Variants in ZC3H12B observed in about 807,000 individuals in gnomAD.
ZC3H12B encodes the protein zinc finger CCCH-type containing 12B, also known as probable ribonuclease ZC3H12B.
ZC3H12B carries 7 observed loss-of-function variants against 43.9 expected under a neutral mutation model. That is an observed-to-expected ratio of 0.16 (90% CI 0.09 to 0.30). ZC3H12B has a LOEUF of 0.30. Ranked by LOEUF, ZC3H12B falls within the 10% of genes least tolerant of loss-of-function variation. The pLI, the probability that ZC3H12B is intolerant of heterozygous loss-of-function variation, is 1.00. For missense variants in ZC3H12B, 475 were observed against 670.2 expected (o/e 0.71, Z 3.22); for synonymous variants, 222 against 241.7 (o/e 0.92, Z 0.76).
intron 3 of ZC3H12B, among the ~76,000 whole-genome samples, chrX:65,425,578 T>C (rs1050120661): frequency 4.5e-5 from 5 of 111,641 alleles, no homozygotes; most frequent in Admixed American, 9.6e-5. Context: ...GCCCATTCCG[T>C]ATGATATTGG....
At chrX:65,283,478 A>G in the ZC3H12B span, among the ~76,000 whole-genome samples, 1 of 111,527 alleles carries the variant, frequency 9.0e-6, no homozygotes, top group Non-Finnish European at 1.9e-5. Context: ...GGCCAGGGCA[A>G]TCAGGCAAGA....
chrX:65,389,337 A>C (rs1043295896), intron 2 of ZC3H12B, among the ~76,000 whole-genome samples: 13 of 112,033 alleles, frequency 1.2e-4, no homozygotes, highest in Non-Finnish European at 2.1e-4. Flanking sequence ...CGGCAATGGC[A>C]GGCACCCGTC....
the ZC3H12B span, among the ~76,000 whole-genome samples, chrX:65,056,987 T>C: frequency 2.7e-5 from 3 of 112,020 alleles, no homozygotes; most frequent in Non-Finnish European, 5.6e-5. Context: ...TGTCTCTGCA[T>C]GTGAGATGGG....
the ZC3H12B span, among the ~76,000 whole-genome samples, chrX:65,211,692 A>T: frequency 1.1e-5 from 1 of 89,945 alleles, no homozygotes; most frequent in Non-Finnish European, 2.1e-5. Flanking sequence ...TATATATAAT[A>T]TTATATAATA....
chrX:65,436,011 G>T (rs1000532344), intron 3 of ZC3H12B, among the ~76,000 whole-genome samples: 13 of 112,078 alleles, frequency 1.2e-4, no homozygotes, highest in African/African-American at 3.9e-4. Flanking sequence ...AAAGAAACAG[G>T]TTAAATTGAC....
chrX:65,455,504 G>A (rs1315802495), intron 3 of ZC3H12B, among the ~76,000 whole-genome samples: 1 of 112,186 alleles, frequency 8.9e-6, no homozygotes, highest in African/African-American at 3.2e-5. Flanking sequence ...TGTCTGATTG[G>A]TGTATTTGAA....
At chrX:65,355,454 C>A in the ZC3H12B span, among the ~76,000 whole-genome samples, 1 of 111,060 alleles carries the variant, frequency 9.0e-6, no homozygotes, top group Non-Finnish European at 1.9e-5. Context: ...GCATTGAGTT[C>A]AAAGCAGTAT....
intron 1 of ZC3H12B, among the ~76,000 whole-genome samples, chrX:65,494,477 T>C (rs2068249299): frequency 9.0e-6 from 1 of 110,637 alleles, no homozygotes; most frequent in African/African-American, 3.3e-5. Flanking sequence ...AAACACAGAA[T>C]TTGGCAGTAT....
At chrX:65,202,182 ATATATAT>A in the ZC3H12B span, among the ~76,000 whole-genome samples, 2 of 91,059 alleles carry the variant, frequency 2.2e-5, no homozygotes, top group Non-Finnish European at 4.1e-5. Flanking sequence ...ATTATATGTA[ATATATAT>A]TATATATAAT....
chrX:65,091,084 T>G, the ZC3H12B span, among the ~76,000 whole-genome samples: 1 of 111,742 alleles, frequency 8.9e-6, no homozygotes, highest in African/African-American at 3.3e-5. Flanking sequence ...ACCTATTTTC[T>G]TTATAAATTA....
chrX:65,094,654 C>T, the ZC3H12B span, among the ~76,000 whole-genome samples: 1 of 112,680 alleles, frequency 8.9e-6, no homozygotes, highest in African/African-American at 3.2e-5. Context: ...CTAGCAGTTA[C>T]TGTATTCTTC....
the ZC3H12B span, among the ~76,000 whole-genome samples, chrX:65,318,223 A>C: frequency 9.3e-6 from 1 of 107,285 alleles, no homozygotes; most frequent in Admixed American, 1.0e-4. Context: ...CCATTCTTGC[A>C]GGAGTAATGT....
the ZC3H12B span, among the ~76,000 whole-genome samples, chrX:65,111,467 C>G: frequency 9.0e-6 from 1 of 110,832 alleles, no homozygotes; most frequent in Non-Finnish European, 1.9e-5. Context: ...TTTTTCTGCA[C>G]TGAAGGATAT....
the ZC3H12B span, among the ~76,000 whole-genome samples, chrX:65,129,745 G>A: frequency 2.4e-4 from 27 of 110,365 alleles, no homozygotes; most frequent in Non-Finnish European, 4.9e-4. Context: ...TGAAGTGTTG[G>A]GGCAGCAAAA....
At chrX:65,450,230 G>T (rs2067454294) in intron 3 of ZC3H12B, among the ~76,000 whole-genome samples, 1 of 100,810 alleles carries the variant, frequency 9.9e-6, no homozygotes, top group African/African-American at 3.7e-5. Flanking sequence ...ACTTGAACCG[G>T]GAGTTGGAGG....
chrX:65,252,250 G>A, the ZC3H12B span, among the ~76,000 whole-genome samples: 3 of 111,209 alleles, frequency 2.7e-5, no homozygotes, highest in Non-Finnish European at 5.7e-5. Context: ...ATTGATTTGT[G>A]TATGTTGAAC....
At chrX:65,331,505 G>A in the ZC3H12B span, among the ~76,000 whole-genome samples, 2 of 110,410 alleles carry the variant, frequency 1.8e-5, no homozygotes, top group African/African-American at 6.6e-5. Flanking sequence ...TGGAAAGATA[G>A]TAGTCTAAGG....
At chrX:65,119,327 T>C in the ZC3H12B span, among the ~76,000 whole-genome samples, 10 of 111,751 alleles carry the variant, frequency 8.9e-5, no homozygotes, top group Non-Finnish European at 1.9e-4. Context: ...TCCTGACTTT[T>C]TAATGATCAC....
chrX:65,187,549 G>A, the ZC3H12B span, among the ~76,000 whole-genome samples: 3 of 110,913 alleles, frequency 2.7e-5, no homozygotes, highest in Non-Finnish European at 5.7e-5. Flanking sequence ...AAAGTGATTT[G>A]GACAGTATTT....
Sources: allele counts gnomAD v4.1 joint callset (sites outside exome capture counted in the v4.1 genomes callset), GRCh38; gene constraint gnomAD v4.1.1; transcripts MANE v1.5; gene names NCBI Gene and HGNC (gene_info 2026-07-23, HGNC 2026-07-21).